Variants in MAPRE2 observed in about 807,000 individuals in gnomAD.
MAPRE2 encodes microtubule associated protein RP/EB family member 2, also known as microtubule-associated protein RP/EB family member 2.
Under a neutral mutation model 43.2 loss-of-function variants are expected in MAPRE2, and 13 were observed. The observed-to-expected ratio is 0.30, with a 90% CI of 0.20 to 0.48. The LOEUF is 0.48. Among genes scored for constraint, MAPRE2 ranks in the 20% least tolerant of loss-of-function variants. The probability of loss-of-function intolerance (pLI) is 0.99; values close to 1 mark genes in which losing one functional copy is unlikely to be tolerated. For missense variants in MAPRE2, 161 were observed against 400.2 expected, an observed-to-expected ratio of 0.40 and a Z score of 5.10; for synonymous variants, 135 against 148.8, an observed-to-expected ratio of 0.91 and a Z score of 0.68.
In MAPRE2 at chr18:35,007,408, A is replaced by G. The variant is rs574335082; in HGVS notation, c.-8+1855A>G. Reference sequence around the variant, plus strand: ...AGGGTGTTGCTTTCTAAATCTCCTTATATATGGGGGTATGGGACAAATGTG... The same window carrying G: ...AGGGTGTTGCTTTCTAAATCTCCTTGTATATGGGGGTATGGGACAAATGTG... On this transcript the variant is annotated intron_variant, in intron 2 of 7. Coordinates refer to the MAPRE2 transcript ENST00000413393. Among the ~76,000 whole-genome samples the G allele has an allele frequency of 2.3e-4, 35 of 152,316 alleles. No individual in the cohort carries two copies. In the South Asian group the frequency reaches 4.4e-3, roughly 19 times the overall value.
intron 4 of MAPRE2, among the ~76,000 whole-genome samples, chr18:35,113,837 A>G (rs1343911662): frequency 6.6e-6 from 1 of 152,198 alleles, no homozygotes; most frequent in Non-Finnish European, 1.5e-5. Flanking sequence ...GGCTGCAATG[A>G]GCCATGTTCA....
chr18:35,127,329 A>G, intron 5 of MAPRE2: 1 of 443,794 alleles, frequency 2.3e-6, no homozygotes, highest in East Asian at 4.2e-5. Flanking sequence ...GCCTTGCTGC[A>G]GACTTCAGGC....
chr18:34,999,751 G>A lies in MAPRE2; in HGVS notation c.-69-5741G>A, dbSNP rs76722356. On this transcript the variant is annotated intron_variant, in intron 1 of 7. Transcript: ENST00000413393. Reference sequence around the variant, plus strand: ...ATGAGTTGTACCAGACTTAACCCAAGATTCAGTGTAATCTGACCTCCTTTA... The same window carrying A: ...ATGAGTTGTACCAGACTTAACCCAAAATTCAGTGTAATCTGACCTCCTTTA... Among the ~76,000 whole-genome samples, 632 of 152,282 alleles carry A rather than the reference G, an allele frequency of 4.2e-3. 3 individuals carry two copies. The highest frequency in any genetic ancestry group is 0.014 in the African/African-American group (602 of 41,548).
At chr18:35,038,047 C>T (rs1243906595), upstream of MAPRE2, among the ~76,000 whole-genome samples, 1 of 152,214 alleles carries the variant, frequency 6.6e-6, no homozygotes, top group Non-Finnish European at 1.5e-5. Context: ...TGTAGTATCT[C>T]TCTCTCTACA....
At chr18:35,014,170 A>G (rs1283456862) in intron 2 of MAPRE2, among the ~76,000 whole-genome samples, 3 of 152,144 alleles carry the variant, frequency 2.0e-5, no homozygotes, top group Non-Finnish European at 4.4e-5. Flanking sequence ...AATGGCTTCA[A>G]TACCTTCTAT....
chr18:35,094,015 A>G (rs1908288155), intron 2 of MAPRE2, among the ~76,000 whole-genome samples: 1 of 152,178 alleles, frequency 6.6e-6, no homozygotes, highest in African/African-American at 2.4e-5. Context: ...TTTATAATTG[A>G]GAAAAATTGG....
At chr18:35,032,327 A>C (rs560488281) in intron 2 of MAPRE2, among the ~76,000 whole-genome samples, 3 of 152,290 alleles carry the variant, frequency 2.0e-5, no homozygotes, top group African/African-American at 7.2e-5. Context: ...TTCAGTGAAC[A>C]CATTTTTAAC....
At chr18:35,113,961 A>G (rs80145111) in intron 4 of MAPRE2, among the ~76,000 whole-genome samples, 4,280 of 152,310 alleles carry the variant, frequency 0.028, 197 homozygotes, top group African/African-American at 0.097. Context: ...ATTAAGTGTC[A>G]GCTATTATCC....
chr18:34,981,883 A>ATAT (rs2097016480), intron 1 of MAPRE2, among the ~76,000 whole-genome samples: 1 of 134,608 alleles, frequency 7.4e-6, no homozygotes, highest in Non-Finnish European at 1.6e-5. Context: ...TTTTATTTTT[A>ATAT]TTTATTTTTT....
At chr18:35,109,147 G>T (rs1381010414) in intron 4 of MAPRE2, among the ~76,000 whole-genome samples, 2 of 152,188 alleles carry the variant, frequency 1.3e-5, no homozygotes, top group Non-Finnish European at 2.9e-5. Flanking sequence ...TGTATAAGGT[G>T]TAAGGAAGGG....
intron 1 of MAPRE2, among the ~76,000 whole-genome samples, chr18:34,978,858 C>A (rs975701770): frequency 6.6e-6 from 1 of 152,176 alleles, no homozygotes; most frequent in African/African-American, 2.4e-5. Context: ...ATCTGGGGAG[C>A]TTTGAGAACT....
chr18:35,035,806 G>A (rs113073621), intron 2 of MAPRE2, among the ~76,000 whole-genome samples: 161 of 143,726 alleles, frequency 1.1e-3, no homozygotes, highest in South Asian at 5.3e-3. Flanking sequence ...CTTTTTGCAG[G>A]TTTCTCTTTT....
rs77120935 is a variant in MAPRE2, at chr18:35,003,739, G to T, written c.-69-1753G>T. Among the ~76,000 whole-genome samples, 54 of 152,274 alleles carry T rather than the reference G, an allele frequency of 3.5e-4. No individual in the cohort carries two copies. In the East Asian group the frequency reaches 9.8e-3, roughly 28 times the overall value. On this transcript the variant is annotated intron_variant, in intron 1 of 7. Transcript: ENST00000413393. ...GTACTATTAAATAAAGTAGATAAAT[G>T]AAAATTTCATTCTGATTCAGTTGAA...
At chr18:34,981,878 T>TTTTATTTTA (rs1284159187) in intron 1 of MAPRE2, among the ~76,000 whole-genome samples, 1 of 36,906 alleles carries the variant, frequency 2.7e-5, no homozygotes, top group Non-Finnish European at 7.6e-5. Flanking sequence ...TTTTTTTTTA[T>TTTTATTTTA]TTTTATTTAT....
intron 1 of MAPRE2, among the ~76,000 whole-genome samples, chr18:35,048,214 C>T (rs1208460985): frequency 1.3e-5 from 2 of 152,068 alleles, no homozygotes; most frequent in East Asian, 1.9e-4. Context: ...AGGTGCCACA[C>T]ACTTTTAGGC....
chr18:34,988,023 T>G (rs1180343056), intron 1 of MAPRE2, among the ~76,000 whole-genome samples: 1 of 152,186 alleles, frequency 6.6e-6, no homozygotes, highest in African/African-American at 2.4e-5. Context: ...GATTAACCTG[T>G]AAATTAGGTG....
At chr18:35,131,043 T>C (rs1342439667) in intron 5 of MAPRE2, among the ~76,000 whole-genome samples, 1 of 152,202 alleles carries the variant, frequency 6.6e-6, no homozygotes, top group Non-Finnish European at 1.5e-5. Flanking sequence ...CCCTCCTGCC[T>C]TCCCAGTGAC....
intron 1 of MAPRE2, among the ~76,000 whole-genome samples, chr18:34,985,781 A>G (rs1357615057): frequency 9.2e-6 from 1 of 109,230 alleles, no homozygotes; most frequent in East Asian, 2.8e-4. Flanking sequence ...ATATTTGTTT[A>G]ATACCTTGTT....
chr18:35,096,072 T>G (rs1357479110), intron 2 of MAPRE2, among the ~76,000 whole-genome samples: 1 of 152,192 alleles, frequency 6.6e-6, no homozygotes, highest in African/African-American at 2.4e-5. Context: ...TCCTGATGTC[T>G]TGTTCTCTCT....
Sources: gnomAD v4.1 joint callset for allele counts (sites outside exome capture counted in the v4.1 genomes callset) on GRCh38, gnomAD v4.1.1 for gene constraint, MANE v1.5 for transcripts, NCBI Gene and HGNC (gene_info 2026-07-23, HGNC 2026-07-21) for gene names.